The following ANO1 variants were observed in gnomAD, a reference collection of about 807,000 sequenced individuals.
ANO1 encodes the protein anoctamin 1, also known as anoctamin-1.
In ANO1, 59 loss-of-function variants were observed where a neutral mutation model predicts 124.0. That is an observed-to-expected ratio of 0.48 (90% CI 0.39 to 0.59). The LOEUF (loss-of-function observed/expected upper bound fraction) is 0.59, where lower values mean the gene tolerates loss of function less well. Ranked by LOEUF, ANO1 falls within the 20% of genes least tolerant of loss-of-function variation. The pLI is 0.00. For synonymous variants in ANO1, 529 were observed against 532.0 expected (o/e 0.99, Z 0.08); for missense variants, 1,059 against 1,328.0 (o/e 0.80, Z 3.15).
intron 1 of ANO1, among the ~76,000 whole-genome samples, chr11:69,986,547 C>T (rs1554996899): frequency 6.6e-6 from 1 of 152,100 alleles, no homozygotes; most frequent in African/African-American, 2.4e-5. Flanking sequence ...ACGAGGTTTT[C>T]GGATGTTTTT....
At chr11:70,018,524 C>T (rs1050287191) in intron 1 of ANO1, among the ~76,000 whole-genome samples, 1 of 152,162 alleles carries the variant, frequency 6.6e-6, no homozygotes, top group African/African-American at 2.4e-5. Flanking sequence ...TGCTTCTAGA[C>T]TCCACTGCAC....
chr11:70,124,275 C>T (rs1427540803), intron 8 of ANO1, 75 bp from the exon 9 acceptor site: 2 of 1,393,170 alleles, frequency 1.4e-6, no homozygotes, highest in East Asian at 2.3e-5. Flanking sequence ...AGGCTCAGTC[C>T]CCGCAGCTCT....
intron 11 of ANO1, among the ~76,000 whole-genome samples, chr11:70,136,409 AGAGT>A (rs1247720381): frequency 6.6e-6 from 1 of 152,168 alleles, no homozygotes; most frequent in African/African-American, 2.4e-5. Flanking sequence ...CATGACCCTG[AGAGT>A]GAGTGTCGTG....
At chr11:70,170,584 A>G (rs2048423221) in intron 21 of ANO1, among the ~76,000 whole-genome samples, 1 of 152,162 alleles carries the variant, frequency 6.6e-6, no homozygotes, top group Non-Finnish European at 1.5e-5. Context: ...GATCGAGACT[A>G]TCTCACAAAA....
chr11:70,134,406 G>C (rs79503773), intron 11 of ANO1, among the ~76,000 whole-genome samples: 2 of 152,138 alleles, frequency 1.3e-5, no homozygotes, highest in South Asian at 2.1e-4. Context: ...TAGCGCCCCC[G>C]GGGCTCAGAC....
intron 16 of ANO1, among the ~76,000 whole-genome samples, chr11:70,158,769 TA>T (rs2047924139): frequency 6.6e-6 from 1 of 151,876 alleles, no homozygotes; most frequent in Non-Finnish European, 1.5e-5. Flanking sequence ...CTGGCCGACA[TA>T]AAGAAGTCCA....
At chr11:70,116,575 T>C in intron 8 of ANO1, 76 bp downstream of exon 8, 1 of 1,475,660 alleles carries the variant, frequency 6.8e-7, no homozygotes, top group South Asian at 1.2e-5. Context: ...GGCCTGCAGC[T>C]GGACCGAGGA....
chr11:70,173,548 C>T (rs1441155852), intron 22 of ANO1, among the ~76,000 whole-genome samples: 2 of 152,228 alleles, frequency 1.3e-5, no homozygotes, highest in Non-Finnish European at 2.9e-5. Context: ...CCCCTCATAC[C>T]ACAGCCCTCC....
chr11:70,082,867 C>T (rs899981032), intron 1 of ANO1, among the ~76,000 whole-genome samples: 1 of 152,226 alleles, frequency 6.6e-6, no homozygotes, highest in Non-Finnish European at 1.5e-5. Context: ...CAGGATTGCT[C>T]TCCAGACCCT....
chr11:70,109,116 C>T (rs867467714), intron 6 of ANO1, among the ~76,000 whole-genome samples: 2 of 152,164 alleles, frequency 1.3e-5, no homozygotes, highest in Non-Finnish European at 1.5e-5. Flanking sequence ...TGCTGAGAGC[C>T]GTGCCATAGG....
chr11:70,086,666 G>A lies in ANO1; in HGVS notation c.109-1086G>A, dbSNP rs906757471. Among the ~76,000 whole-genome samples the A allele has an allele frequency of 6.6e-5, 10 of 152,348 alleles. No homozygotes were observed. In the East Asian group the frequency reaches 1.4e-3, roughly 21 times the overall value. ...CCCAGCCAAGAAAGGGCCAGAGCGG[G>A]TGCATGATCACCCAACTTCCTCACC... On this transcript the variant is annotated intron_variant, in intron 1 of 25. Transcript: ENST00000355303.
chr11:70,152,376 G>T (rs2047640404), intron 12 of ANO1, 74 bp from the exon 13 acceptor site: 1 of 1,342,940 alleles, frequency 7.4e-7, no homozygotes. Flanking sequence ...TAGTGGACAG[G>T]TCCTATTTCT....
At chr11:69,992,986 C>G (rs782562941) in intron 1 of ANO1, among the ~76,000 whole-genome samples, 1 of 152,208 alleles carries the variant, frequency 6.6e-6, no homozygotes. Flanking sequence ...AGTAGATGCC[C>G]TCCTGGTAAT....
chr11:70,144,716 C>T (rs1432347979), intron 11 of ANO1, among the ~76,000 whole-genome samples: 1 of 152,226 alleles, frequency 6.6e-6, no homozygotes, highest in Non-Finnish European at 1.5e-5. Context: ...GGGCTTGTCC[C>T]TTTGGCCACC....
intron 1 of ANO1, among the ~76,000 whole-genome samples, chr11:70,045,673 T>G (rs1369500648): frequency 2.0e-5 from 3 of 151,862 alleles, no homozygotes; most frequent in African/African-American, 7.3e-5. Context: ...GGGAAGGGTG[T>G]TTAAGGGAAG....
Position 70,095,283 on chromosome 11 carries a change from GGAAGGAAGGAAGGAAGGAAA to G in ANO1, c.441+7203_441+7222del, listed in dbSNP as rs1211778937. On this transcript the variant is annotated intron_variant, in intron 2 of 25. Transcript: ENST00000355303. ...AGGAAGGAAGGAAGGAAGGAAGGAA[GGAAGGAAGGAAGGAAGGAAA>G]GAAAGAAAGAAAGAAAGGAAAGAAA... Among the ~76,000 whole-genome samples the G allele has an allele frequency of 1.1e-3, 95 of 84,096 alleles. 4 individuals carry two copies. The highest frequency in any genetic ancestry group is 1.4e-3 in the Non-Finnish European group (61 of 42,226). The allele number at this position is 84,096 out of a possible 152,430, so 55.2% of individuals were successfully genotyped here.
At chr11:69,992,578 C>T (rs541839933) in intron 1 of ANO1, among the ~76,000 whole-genome samples, 1 of 152,102 alleles carries the variant, frequency 6.6e-6, no homozygotes, top group Non-Finnish European at 1.5e-5. Context: ...AAAAGGCCTA[C>T]CAGTTAGGTA....
At chr11:70,005,110 C>T (rs1449917218) in intron 1 of ANO1, among the ~76,000 whole-genome samples, 1 of 10,326 alleles carries the variant, frequency 9.7e-5, no homozygotes, top group Admixed American at 2.1e-3. Flanking sequence ...GAGATTCCAA[C>T]TCAAAAAAAA....
chr11:70,175,041 CG>C (rs1214037642), intron 22 of ANO1, among the ~76,000 whole-genome samples: 1 of 152,066 alleles, frequency 6.6e-6, no homozygotes. Flanking sequence ...TCACAGTGCG[CG>C]TGTGTTTGCT....
Sources: gnomAD v4.1 joint callset for allele counts (sites outside exome capture counted in the v4.1 genomes callset) on GRCh38, gnomAD v4.1.1 for gene constraint, MANE v1.5 for transcripts, NCBI Gene and HGNC (gene_info 2026-07-23, HGNC 2026-07-21) for gene names.